The following ELMO1 variants were observed in gnomAD, a reference collection of about 807,000 sequenced individuals.
The protein encoded by ELMO1 is engulfment and cell motility protein 1.
ELMO1 carries 26 observed loss-of-function variants against 98.9 expected under a neutral mutation model. That is an observed-to-expected ratio of 0.26 (90% CI 0.19 to 0.36). The LOEUF is 0.36. ELMO1 is among the 10% of genes least tolerant of loss of function. The pLI, the probability that ELMO1 is intolerant of heterozygous loss-of-function variation, is 1.00. For synonymous variants in ELMO1, 346 were observed against 346.0 expected (o/e 1.00, Z 0.00); for missense variants, 627 against 935.2 (o/e 0.67, Z 4.30).
At chr7:37,200,232 C>A (rs1462370135) in intron 13 of ELMO1, among the ~76,000 whole-genome samples, 1 of 135,458 alleles carries the variant, frequency 7.4e-6, no homozygotes, top group Non-Finnish European at 1.5e-5. Flanking sequence ...TGCCACCAGG[C>A]CAAGCTAATT....
At chr7:37,419,091 G>T (rs899846357) in intron 1 of ELMO1, among the ~76,000 whole-genome samples, 1 of 152,206 alleles carries the variant, frequency 6.6e-6, no homozygotes. Flanking sequence ...AGAAACAGCC[G>T]CTCAGGATGC....
At chr7:36,894,394 C>T (rs1295642196) in intron 17 of ELMO1, among the ~76,000 whole-genome samples, 1 of 152,188 alleles carries the variant, frequency 6.6e-6, no homozygotes, top group Non-Finnish European at 1.5e-5. Context: ...GTAGTTCACT[C>T]TCTTCCTCTC....
intron 17 of ELMO1, 73 bp from the exon 18 acceptor site, chr7:36,887,745 A>T: frequency 2.9e-6 from 4 of 1,367,380 alleles, no homozygotes; most frequent in Non-Finnish European, 4.2e-6. Context: ...CATCATGGGC[A>T]TACGGGCAGG....
At chr7:37,120,857 T>TAACTGGGA in intron 14 of ELMO1, among the ~76,000 whole-genome samples, 1 of 152,288 alleles carries the variant, frequency 6.6e-6, no homozygotes, top group African/African-American at 2.4e-5. Flanking sequence ...CTAAGTAGCC[T>TAACTGGGA]AACTGGGAGG....
intron 13 of ELMO1, among the ~76,000 whole-genome samples, chr7:37,193,545 G>T (rs1255380209): frequency 6.6e-6 from 1 of 152,194 alleles, no homozygotes; most frequent in South Asian, 2.1e-4. Context: ...CACTCGGGGG[G>T]CTCCCTGCAG....
chr7:37,236,177 T>C (rs1454155550), intron 7 of ELMO1, among the ~76,000 whole-genome samples: 1 of 152,156 alleles, frequency 6.6e-6, no homozygotes, highest in Non-Finnish European at 1.5e-5. Flanking sequence ...GTCCCAAAAC[T>C]ACACTCCAGA....
At chr7:36,991,041 G>C (rs976217897) in intron 16 of ELMO1, among the ~76,000 whole-genome samples, 1 of 152,136 alleles carries the variant, frequency 6.6e-6, no homozygotes, top group Non-Finnish European at 1.5e-5. Flanking sequence ...ATTTCATTAG[G>C]ATTCATGTTC....
intron 13 of ELMO1, among the ~76,000 whole-genome samples, chr7:37,192,031 G>A (rs1791616617): frequency 6.6e-6 from 1 of 152,212 alleles, no homozygotes; most frequent in East Asian, 1.9e-4. Flanking sequence ...ACTGTGTAAA[G>A]GACAGAGTTC....
At chr7:37,336,270 G>A (rs1242215202) in intron 2 of ELMO1, among the ~76,000 whole-genome samples, 1 of 151,902 alleles carries the variant, frequency 6.6e-6, no homozygotes, top group South Asian at 2.1e-4. Context: ...CCCTCTACAT[G>A]ATATAACCTC....
At chr7:37,269,113 T>C (rs1476598987) in intron 5 of ELMO1, among the ~76,000 whole-genome samples, 1 of 152,268 alleles carries the variant, frequency 6.6e-6, no homozygotes, top group Non-Finnish European at 1.5e-5. Flanking sequence ...TTATTGTGTA[T>C]GTAAAAATGA....
At chr7:36,971,587 G>C (rs1300403057) in intron 16 of ELMO1, among the ~76,000 whole-genome samples, 1 of 152,172 alleles carries the variant, frequency 6.6e-6, no homozygotes, top group Non-Finnish European at 1.5e-5. Flanking sequence ...AGATTCCACT[G>C]ATTCAGAAAA....
intron 13 of ELMO1, among the ~76,000 whole-genome samples, chr7:37,187,391 C>T (rs1791275541): frequency 1.3e-5 from 2 of 152,082 alleles, no homozygotes; most frequent in Non-Finnish European, 2.9e-5. Context: ...CTTTACAACC[C>T]TGTAAACATA....
chr7:37,366,619 C>A lies in ELMO1; in HGVS notation c.-73-23856G>T, dbSNP rs149362206. On this transcript the variant is annotated intron_variant, in intron 1 of 21. Transcript: ENST00000310758. ...TTTCTACCTGGAGAAGGAAGTCAGA[C>A]TGAGAATCTCCCGTCCTCACACAAT... 9.1e-4 allele frequency among the ~76,000 whole-genome samples: 138 copies of A among 152,288 alleles called. 1 individual carries two copies. Among genetic ancestry groups the A allele is most frequent in the African/African-American group, 3.1e-3 (130 of 41,566 alleles).
intron 16 of ELMO1, among the ~76,000 whole-genome samples, chr7:36,980,723 T>A (rs1790979274): frequency 6.6e-6 from 1 of 152,220 alleles, no homozygotes; most frequent in Admixed American, 6.5e-5. Flanking sequence ...GTATGTGATG[T>A]TCAGCTATTT....
At chr7:37,261,048 A>G (rs1795950392) in intron 5 of ELMO1, among the ~76,000 whole-genome samples, 1 of 152,266 alleles carries the variant, frequency 6.6e-6, no homozygotes, top group Admixed American at 6.5e-5. Flanking sequence ...AGGTTATGAC[A>G]ATAATGAGTA....
chr7:37,328,667 G>A, intron 2 of ELMO1, among the ~76,000 whole-genome samples: 1 of 152,108 alleles, frequency 6.6e-6, no homozygotes, highest in Non-Finnish European at 1.5e-5. Context: ...ATCACCATAT[G>A]AATAGTAGAT....
chr7:37,391,213 C>G (rs1391034349), intron 1 of ELMO1, among the ~76,000 whole-genome samples: 1 of 152,044 alleles, frequency 6.6e-6, no homozygotes. Context: ...ACCTCCCGGG[C>G]TCAAATGATT....
At chr7:36,948,462 T>G (rs1014926225) in intron 16 of ELMO1, among the ~76,000 whole-genome samples, 1 of 152,180 alleles carries the variant, frequency 6.6e-6, no homozygotes, top group African/African-American at 2.4e-5. Context: ...AGCACATCAT[T>G]TCATCTCTCT....
At chr7:37,276,504 G>A (rs954380752) in intron 4 of ELMO1, among the ~76,000 whole-genome samples, 2 of 152,108 alleles carry the variant, frequency 1.3e-5, no homozygotes, top group South Asian at 2.1e-4. Context: ...CCAGCTACTC[G>A]GGAGGCTGAG....
Sources: gnomAD v4.1 joint callset for allele counts (sites outside exome capture counted in the v4.1 genomes callset) on GRCh38, gnomAD v4.1.1 for gene constraint, MANE v1.5 for transcripts, NCBI Gene and HGNC (gene_info 2026-07-23, HGNC 2026-07-21) for gene names.